AFG2A: variants seen among roughly 807,000 people sequenced by gnomAD.
AFG2A encodes AAA ATPase AFG2A.
At chr4:123,051,429 A>G in the AFG2A span, among the ~76,000 whole-genome samples, 2 of 152,028 alleles carry the variant, frequency 1.3e-5, no homozygotes, top group Admixed American at 1.3e-4. Flanking sequence ...TTGATTTTAC[A>G]ACTTGCTGTT....
the AFG2A span, among the ~76,000 whole-genome samples, chr4:122,977,090 A>C: frequency 2.6e-5 from 4 of 152,100 alleles, no homozygotes; most frequent in Admixed American, 6.5e-5. Context: ...GTAATCTTGC[A>C]TGGGGTTTGG....
the AFG2A span, among the ~76,000 whole-genome samples, chr4:122,940,398 T>C: frequency 6.6e-6 from 1 of 152,250 alleles, no homozygotes; most frequent in East Asian, 1.9e-4. Flanking sequence ...ATGAGCATTT[T>C]TTCATGTGTC....
At chr4:122,933,343 A>G in the AFG2A span, 1 of 929,634 alleles carries the variant, frequency 1.1e-6, no homozygotes, top group South Asian at 1.6e-5. Flanking sequence ...CTTTTGATTA[A>G]GTCTATATTA....
At chr4:123,118,416 G>A in the AFG2A span, among the ~76,000 whole-genome samples, 1 of 146,124 alleles carries the variant, frequency 6.8e-6, no homozygotes, top group Admixed American at 6.8e-5. Context: ...AGGAAACTAT[G>A]TATACCCTTC....
At chr4:122,940,184 C>T in the AFG2A span, among the ~76,000 whole-genome samples, 4 of 152,000 alleles carry the variant, frequency 2.6e-5, no homozygotes, top group African/African-American at 7.3e-5. Context: ...ATTTCTAGTT[C>T]TAGATCCCTG....
chr4:122,997,206 A>G, the AFG2A span, among the ~76,000 whole-genome samples: 4 of 152,186 alleles, frequency 2.6e-5, no homozygotes, highest in Non-Finnish European at 5.9e-5. Flanking sequence ...TAAAGGGTAC[A>G]ATTCCATGGT....
At chr4:123,220,532 A>G in the AFG2A span, among the ~76,000 whole-genome samples, 2 of 148,838 alleles carry the variant, frequency 1.3e-5, no homozygotes, top group Non-Finnish European at 1.5e-5. Context: ...AGGAAGTGCT[A>G]GAACCCGGGA....
At chr4:123,300,190 T>G in the AFG2A span, among the ~76,000 whole-genome samples, 1 of 152,168 alleles carries the variant, frequency 6.6e-6, no homozygotes. Context: ...TGATAGTACA[T>G]TAAATAATAG....
chr4:122,934,776 A>T, the AFG2A span: 1 of 1,521,642 alleles, frequency 6.6e-7, no homozygotes, highest in South Asian at 1.4e-5. Flanking sequence ...AAAAATGTTA[A>T]ATTCAAATTA....
the AFG2A span, among the ~76,000 whole-genome samples, chr4:123,025,816 A>G: frequency 6.6e-6 from 1 of 152,166 alleles, no homozygotes; most frequent in African/African-American, 2.4e-5. Context: ...GTAGGAGTTT[A>G]TAATACCAAG....
At chr4:123,255,322 C>T in the AFG2A span, among the ~76,000 whole-genome samples, 3 of 151,210 alleles carry the variant, frequency 2.0e-5, no homozygotes, top group Admixed American at 6.6e-5. Flanking sequence ...GTCAGGAGTT[C>T]GAGACAAGCC....
At chr4:123,025,226 A>C in the AFG2A span, among the ~76,000 whole-genome samples, 2 of 152,050 alleles carry the variant, frequency 1.3e-5, no homozygotes, top group African/African-American at 2.4e-5. Context: ...ATCCAGTTAC[A>C]CTCTTCTGTT....
the AFG2A span, among the ~76,000 whole-genome samples, chr4:122,979,702 A>AG: frequency 6.6e-6 from 1 of 152,128 alleles, no homozygotes; most frequent in Admixed American, 6.5e-5. Context: ...CAGGAGTTTG[A>AG]GACCAGCCTG....
At chr4:122,971,313 A>C in the AFG2A span, among the ~76,000 whole-genome samples, 1 of 152,130 alleles carries the variant, frequency 6.6e-6, no homozygotes, top group Non-Finnish European at 1.5e-5. Context: ...AGGCTGAGGT[A>C]GGAGGATTAC....
chr4:123,179,307 C>CTGCT, the AFG2A span, among the ~76,000 whole-genome samples: 2 of 149,552 alleles, frequency 1.3e-5, no homozygotes, highest in Non-Finnish European at 3.0e-5. Flanking sequence ...CTCACACATA[C>CTGCT]TACTTACTTA....
the AFG2A span, among the ~76,000 whole-genome samples, chr4:123,082,982 G>A: frequency 6.6e-6 from 1 of 152,188 alleles, no homozygotes; most frequent in Non-Finnish European, 1.5e-5. Flanking sequence ...ATATAAGAAT[G>A]CAGTTACTTC....
the AFG2A span, among the ~76,000 whole-genome samples, chr4:123,031,493 C>A: frequency 3.9e-5 from 6 of 152,272 alleles, no homozygotes; most frequent in Admixed American, 6.5e-5. Flanking sequence ...AAAAACTTGG[C>A]AACTTTTGTT....
At chr4:122,996,440 G>A in the AFG2A span, among the ~76,000 whole-genome samples, 1 of 152,018 alleles carries the variant, frequency 6.6e-6, no homozygotes, top group Non-Finnish European at 1.5e-5. Flanking sequence ...TAGTTCTTTT[G>A]CCTTTACATA....
At chr4:123,198,072 C>G in the AFG2A span, among the ~76,000 whole-genome samples, 248 of 152,152 alleles carry the variant, frequency 1.6e-3, 1 homozygote, top group Middle Eastern at 0.014. Flanking sequence ...AGTTCAAGAC[C>G]AGCCTGGCGA....
Sources: gnomAD v4.1 joint callset for allele counts (sites outside exome capture counted in the v4.1 genomes callset) on GRCh38, gnomAD v4.1.1 for gene constraint, MANE v1.5 for transcripts, NCBI Gene and HGNC (gene_info 2026-07-23, HGNC 2026-07-21) for gene names.